The following AGBL1 variants were observed in gnomAD, a reference collection of about 807,000 sequenced individuals.
AGBL1 encodes the protein cytosolic carboxypeptidase 4.
Under a neutral mutation model 118.9 loss-of-function variants are expected in AGBL1, and 130 were observed. The observed-to-expected ratio is 1.09, with a 90% CI of 0.95 to 1.26. The LOEUF is 1.26. Among genes scored for constraint, AGBL1 ranks in the 50% most tolerant of loss-of-function variants. The pLI is 0.00. For synonymous variants in AGBL1, 555 were observed against 478.9 expected (o/e 1.16, Z -2.08); for missense variants, 1,584 against 1,298.1 (o/e 1.22, Z -3.38).
At chr15:86,654,760 C>T (rs1263255571) in intron 21 of AGBL1, among the ~76,000 whole-genome samples, 1 of 151,998 alleles carries the variant, frequency 6.6e-6, no homozygotes, top group Non-Finnish European at 1.5e-5. Flanking sequence ...CATGGTAAAC[C>T]TTTTCTGATG....
At chr15:86,786,953 C>A (rs909339812) in intron 22 of AGBL1, among the ~76,000 whole-genome samples, 2 of 152,158 alleles carry the variant, frequency 1.3e-5, no homozygotes, top group Non-Finnish European at 2.9e-5. Context: ...TGGTCTGCAA[C>A]TGGTGGTACC....
At chr15:86,953,252 G>A (rs908482993) in intron 23 of AGBL1, among the ~76,000 whole-genome samples, 1 of 151,992 alleles carries the variant, frequency 6.6e-6, no homozygotes, top group Non-Finnish European at 1.5e-5. Flanking sequence ...AATTGCTTTG[G>A]GCAGTATGGC....
chr15:86,095,225 A>T (rs1597385641), intron 1 of AGBL1, among the ~76,000 whole-genome samples: 1 of 152,232 alleles, frequency 6.6e-6, no homozygotes, highest in East Asian at 1.9e-4. Flanking sequence ...TCTGAACCCC[A>T]TCATTTAAGG....
At chr15:86,744,510 C>G (rs115093873) in intron 22 of AGBL1, among the ~76,000 whole-genome samples, 4 of 152,154 alleles carry the variant, frequency 2.6e-5, no homozygotes, top group African/African-American at 9.6e-5. Context: ...AATCAAGGGA[C>G]CTTTCAGGGA....
chr15:86,560,007 G>T (rs1198343795), intron 21 of AGBL1, among the ~76,000 whole-genome samples: 1 of 152,122 alleles, frequency 6.6e-6, no homozygotes. Flanking sequence ...TAAAAGATAG[G>T]TGTGGTTTCT....
chr15:86,164,610 G>C (rs2077312049), intron 5 of AGBL1, among the ~76,000 whole-genome samples: 4 of 152,134 alleles, frequency 2.6e-5, no homozygotes, highest in Admixed American at 2.6e-4. Flanking sequence ...CATCCCCTCT[G>C]ATCCTTTTGG....
At chr15:86,834,105 T>G (rs1300579311) in intron 22 of AGBL1, among the ~76,000 whole-genome samples, 1 of 152,140 alleles carries the variant, frequency 6.6e-6, no homozygotes, top group Non-Finnish European at 1.5e-5. Flanking sequence ...TAGTTTCTCC[T>G]ACACAATGGA....
At chr15:86,323,983 G>A (rs1210149373) in intron 17 of AGBL1, among the ~76,000 whole-genome samples, 2 of 152,194 alleles carry the variant, frequency 1.3e-5, no homozygotes, top group African/African-American at 4.8e-5. Context: ...CCCAGTTAAT[G>A]GATGGTGATG....
intron 22 of AGBL1, among the ~76,000 whole-genome samples, chr15:86,819,962 G>A (rs2078916580): frequency 1.3e-5 from 2 of 152,122 alleles, no homozygotes; most frequent in African/African-American, 4.8e-5. Flanking sequence ...CAATGGAACA[G>A]AACAGAGGCC....
intron 18 of AGBL1, among the ~76,000 whole-genome samples, chr15:86,419,924 T>G (rs1252098263): frequency 6.6e-6 from 1 of 152,168 alleles, no homozygotes; most frequent in Non-Finnish European, 1.5e-5. Context: ...ATTCCTCCTC[T>G]CTGGGCAGGG....
rs2078997764 is a variant in AGBL1 at position 86,262,078 on chromosome 15, C to CTTTTTTTTTTGTTTTTTTT, written c.970-690_970-689insGTTTTTTTTTTTTTTTTTT. On this transcript the variant is annotated intron_variant, in intron 9 of 22. Coordinates refer to ENST00000614907, the MANE Select transcript of AGBL1 (RefSeq NM_001386094.1). ...CACTGCTAGGCCTATGCATAGCTGG[C>CTTTTTTTTTTGTTTTTTTT]TTTTTTTTTTTTTTTTGCCATTTAG... 3.8e-5 allele frequency among the ~76,000 whole-genome samples: 2 copies of CTTTTTTTTTTGTTTTTTTT among 52,768 alleles called. 1 individual carries two copies. Among genetic ancestry groups the CTTTTTTTTTTGTTTTTTTT allele is most frequent in the Non-Finnish European group, 7.1e-5 (2 of 28,100 alleles). The allele number at this position is 52,768 out of a possible 152,430, so 34.6% of individuals were successfully genotyped here.
intron 7 of AGBL1, among the ~76,000 whole-genome samples, chr15:86,250,382 C>T (rs867336862): frequency 1.3e-4 from 19 of 151,422 alleles, no homozygotes; most frequent in Admixed American, 9.9e-4. Context: ...AAAAATTAGC[C>T]GGGCGTGGTA....
intron 23 of AGBL1, among the ~76,000 whole-genome samples, chr15:86,950,096 C>CA (rs931799692): frequency 8.6e-5 from 13 of 151,528 alleles, no homozygotes; most frequent in African/African-American, 2.4e-4. Flanking sequence ...ACTAAAAGAC[C>CA]AAAAAATGCC....
intron 18 of AGBL1, among the ~76,000 whole-genome samples, chr15:86,398,949 C>T (rs2081405751): frequency 6.6e-6 from 1 of 152,086 alleles, no homozygotes; most frequent in Non-Finnish European, 1.5e-5. Context: ...CCATGTGTTC[C>T]TTACAGGTGA....
At chr15:86,724,281 T>G in intron 22 of AGBL1, among the ~76,000 whole-genome samples, 1 of 140,196 alleles carries the variant, frequency 7.1e-6, no homozygotes, top group Admixed American at 7.1e-5. Flanking sequence ...ACCATGACAG[T>G]GAATGGCTAA....
At chr15:86,678,403 C>A (rs1289329046) in intron 22 of AGBL1, among the ~76,000 whole-genome samples, 2 of 152,082 alleles carry the variant, frequency 1.3e-5, no homozygotes, top group African/African-American at 4.8e-5. Flanking sequence ...TTTTCTGATG[C>A]AGATAAAAAT....
At chr15:86,629,479 T>C (rs966464611) in intron 21 of AGBL1, among the ~76,000 whole-genome samples, 1 of 152,210 alleles carries the variant, frequency 6.6e-6, no homozygotes, top group Non-Finnish European at 1.5e-5. Flanking sequence ...TTTATCATCT[T>C]GCTTATACAA....
At chr15:86,177,782 A>G (rs1449508784) in intron 5 of AGBL1, among the ~76,000 whole-genome samples, 1 of 152,216 alleles carries the variant, frequency 6.6e-6, no homozygotes, top group East Asian at 1.9e-4. Flanking sequence ...CTGGGATGCC[A>G]CATTCTTGGG....
intron 22 of AGBL1, among the ~76,000 whole-genome samples, chr15:86,735,373 A>T (rs1427598680): frequency 6.6e-6 from 1 of 152,036 alleles, no homozygotes; most frequent in African/African-American, 2.4e-5. Flanking sequence ...GAGGCATGGC[A>T]CCCAGCTGGC....
Sources: gnomAD v4.1 joint callset for allele counts (sites outside exome capture counted in the v4.1 genomes callset) on GRCh38, gnomAD v4.1.1 for gene constraint, MANE v1.5 for transcripts, NCBI Gene and HGNC (gene_info 2026-07-23, HGNC 2026-07-21) for gene names.